The following ACTN2 variants were observed in gnomAD, a reference collection of about 807,000 sequenced individuals.
The protein encoded by ACTN2 is actinin alpha 2.
In ACTN2, 39 loss-of-function variants were observed where a neutral mutation model predicts 113.8. The observed-to-expected ratio is 0.34, with a 90% CI of 0.27 to 0.45. The LOEUF (loss-of-function observed/expected upper bound fraction) is 0.45. ACTN2 is among the 20% of genes least tolerant of loss of function. ACTN2 has a pLI of 1.00. For synonymous variants in ACTN2, 429 were observed against 444.1 expected, an observed-to-expected ratio of 0.97 and a Z score of 0.43; for missense variants, 992 against 1,177.9, an observed-to-expected ratio of 0.84 and a Z score of 2.31.
At chr1:236,702,251 A>G (rs1298939833) in intron 1 of ACTN2, among the ~76,000 whole-genome samples, 1 of 152,200 alleles carries the variant, frequency 6.6e-6, no homozygotes, top group African/African-American at 2.4e-5. Context: ...TGGACGATTA[A>G]TGAAGTAAAG....
rs181184089 is a variant in ACTN2, at chr1:236,732,478, C to T, written c.697+1164C>T. 5.6e-3 allele frequency among the ~76,000 whole-genome samples: 850 copies of T among 151,250 alleles called. 5 individuals carry two copies. Among genetic ancestry groups the T allele is most frequent in the Admixed American group, 0.013 (194 of 15,152 alleles). On this transcript the variant is annotated intron_variant, in intron 7 of 20. Transcript: ENST00000366578. Reference sequence around the variant, plus strand: ...TTTTTTTTGAGACAGAGTCTCACTCCGTCGCCCAGGCTGGAGTGCAGTGGT... The same window carrying T: ...TTTTTTTTGAGACAGAGTCTCACTCTGTCGCCCAGGCTGGAGTGCAGTGGT...
At chr1:236,732,569 A>T (rs1214445648) in intron 7 of ACTN2, among the ~76,000 whole-genome samples, 1 of 151,712 alleles carries the variant, frequency 6.6e-6, no homozygotes, top group Non-Finnish European at 1.5e-5. Flanking sequence ...CAGCCTCCTG[A>T]GTAGCTGGGA....
chr1:236,708,780 C>T (rs1460386207), intron 1 of ACTN2, among the ~76,000 whole-genome samples: 1 of 152,104 alleles, frequency 6.6e-6, no homozygotes, highest in Non-Finnish European at 1.5e-5. Flanking sequence ...GACTTTTTGC[C>T]CTCACAGACG....
At position 236,757,596 on chromosome 1, in the gene ACTN2, G is replaced by T; in HGVS notation, c.2265G>T (p.Met755Ile). 1 of 1,614,184 alleles carries T rather than the reference G, an allele frequency of 6.2e-7. No individual in the cohort carries two copies. Among genetic ancestry groups the T allele is most frequent in the Non-Finnish European group, 8.5e-7 (1 of 1,180,036 alleles). Residue 755 changes from methionine (M) to isoleucine (I), a missense_variant, in exon 18 of 21, where the codon ATG becomes ATT. Coordinates refer to ENST00000366578, the MANE Select transcript of ACTN2 (RefSeq NM_001103.4). The part of the protein sequence containing the change: ...RDAKGITQEQ[M>I]NEFRASFNHF... ...CGAAGGGCATCACCCAGGAGCAGAT[G>T]AATGAGTTCAGAGCCTCCTTCAACC...
At chr1:236,692,373 A>G (rs1055004286) in intron 1 of ACTN2, among the ~76,000 whole-genome samples, 2 of 152,226 alleles carry the variant, frequency 1.3e-5, no homozygotes, top group East Asian at 1.9e-4. Flanking sequence ...CTGTTTATCC[A>G]CTGGGAGATT....
chr1:236,758,289 C>CTT (rs11335799), intron 18 of ACTN2, among the ~76,000 whole-genome samples: 2 of 136,082 alleles, frequency 1.5e-5, no homozygotes, highest in Non-Finnish European at 1.6e-5. Flanking sequence ...CAATTCTTTT[C>CTT]TTTTTTTTTT....
chr1:236,706,578 C>T (rs954463662), intron 1 of ACTN2, among the ~76,000 whole-genome samples: 1 of 152,182 alleles, frequency 6.6e-6, no homozygotes, highest in East Asian at 1.9e-4. Context: ...GGAGAATCAA[C>T]AGAACAGAAG....
chr1:236,744,511 C>G lies in ACTN2; in HGVS notation c.1256-115C>G, dbSNP rs75321354. ...GGCCTGCATCTTCAGTCCTGCCCCT[C>G]TCTGTCCCCTTCTCTTGGTTCTTTG... On this transcript the variant is annotated intron_variant, in intron 11 of 20. Transcript: ENST00000366578. 0.01 allele frequency: 13,101 copies of G among 1,300,134 alleles called. 108 individuals are homozygous for G. Among genetic ancestry groups the G allele is most frequent in the Middle Eastern group, 0.016 (62 of 3,940 alleles). The allele number at this position is 1,300,134 out of a possible 1,614,324, so 80.5% of individuals were successfully genotyped here. A position where few individuals can be genotyped will look rare whatever the true frequency, so the allele number is the denominator to read the frequency against.
chr1:236,701,564 G>T (rs976688894), intron 1 of ACTN2, among the ~76,000 whole-genome samples: 6 of 151,972 alleles, frequency 3.9e-5, no homozygotes, highest in African/African-American at 1.5e-4. Flanking sequence ...TTATACTTTT[G>T]GTTTTGTATT....
intron 1 of ACTN2, among the ~76,000 whole-genome samples, chr1:236,709,251 T>TAC (rs1440157025): frequency 0.02 from 1,193 of 59,534 alleles, 8 homozygotes; most frequent in Non-Finnish European, 0.033. Flanking sequence ...TATATATATA[T>TAC]ATATACACAC....
intron 1 of ACTN2, among the ~76,000 whole-genome samples, chr1:236,695,372 T>G (rs1657457956): frequency 8.4e-6 from 1 of 119,732 alleles, no homozygotes; most frequent in Non-Finnish European, 1.7e-5. Flanking sequence ...AGTGAGACTG[T>G]CTCAAAAAAA....
intron 15 of ACTN2, 47 bp downstream of exon 15, chr1:236,751,699 C>G (rs1659401570): frequency 6.2e-7 from 1 of 1,610,770 alleles, no homozygotes; most frequent in African/African-American, 1.3e-5. Flanking sequence ...ATTCTTGAAG[C>G]TGACGTCGAA....
At chr1:236,704,797 A>T (rs1440062923) in intron 1 of ACTN2, among the ~76,000 whole-genome samples, 1 of 152,038 alleles carries the variant, frequency 6.6e-6, no homozygotes, top group Admixed American at 6.6e-5. Flanking sequence ...TTTGAAGGAG[A>T]CCTCACTGGA....
chr1:236,762,982 CG>C lies in ACTN2; in HGVS notation c.*369del, dbSNP rs949224244. 12 of 310,124 alleles carry C rather than the reference CG, an allele frequency of 3.9e-5. No homozygotes were observed. The highest frequency in any genetic ancestry group is 1.2e-3 in the Middle Eastern group (1 of 848). 19.2% of individuals were successfully genotyped at this position (310,124 alleles called of 1,614,324 possible). A position where few individuals can be genotyped will look rare whatever the true frequency, so the allele number is the denominator to read the frequency against. On this transcript the variant is annotated 3_prime_UTR_variant, in exon 21 of 21. Coordinates refer to ENST00000366578, the MANE Select transcript of ACTN2 (RefSeq NM_001103.4). Reference sequence around the variant, plus strand: ...ATACAAAATACCCAAGATTTAAGACCGGGGGGAAAAAACCACAAATTGGTAA... The same window carrying C: ...ATACAAAATACCCAAGATTTAAGACCGGGGGAAAAAACCACAAATTGGTAA...
intron 18 of ACTN2, among the ~76,000 whole-genome samples, chr1:236,757,846 A>G (rs1015956153): frequency 2.6e-5 from 4 of 152,236 alleles, no homozygotes; most frequent in Non-Finnish European, 5.9e-5. Context: ...GTGCTGTTTC[A>G]TACAGATCAC....
intron 18 of ACTN2, among the ~76,000 whole-genome samples, chr1:236,758,626 G>GTTTTT (rs1345226258): frequency 6.7e-6 from 1 of 149,258 alleles, no homozygotes; most frequent in African/African-American, 2.5e-5. Flanking sequence ...GTTTTGTTTT[G>GTTTTT]TTCTGTTTTT....
intron 1 of ACTN2, among the ~76,000 whole-genome samples, chr1:236,695,849 A>G (rs1253193533): frequency 7.9e-5 from 12 of 152,258 alleles, no homozygotes; most frequent in African/African-American, 2.9e-4. Flanking sequence ...TGTTTTTGCT[A>G]GGGGGTAAAT....
chr1:236,722,433 G>A (rs1200516347), intron 4 of ACTN2, among the ~76,000 whole-genome samples: 8 of 151,950 alleles, frequency 5.3e-5, no homozygotes, highest in Non-Finnish European at 8.8e-5. Context: ...TCAGCAGTTC[G>A]AGACCAGCCT....
At position 236,737,133 on chromosome 1, in the gene ACTN2, G is replaced by A. The variant is rs757253639; in HGVS notation, c.795G>A (p.Ala265=). 25 of 1,601,480 alleles carry A rather than the reference G, an allele frequency of 1.6e-5. No homozygotes were observed. Among genetic ancestry groups the A allele is most frequent in the African/African-American group, 6.7e-5 (5 of 74,474 alleles). Residue 265 remains alanine (A), a synonymous_variant, in exon 9 of 21, where the codon GCG becomes GCA. Transcript: ENST00000366578. ...AFAGAEQAET[A]ANRICKVLAV... ...ATTGTGTTTTACAGGCCGAGACAGC[G>A]GCTAACAGGATATGTAAGGTTCTTG...
Sources: allele counts gnomAD v4.1 joint callset (sites outside exome capture counted in the v4.1 genomes callset), GRCh38; gene constraint gnomAD v4.1.1; transcripts MANE v1.5; gene names NCBI Gene and HGNC (gene_info 2026-07-23, HGNC 2026-07-21).